The following RALGAPA1 variants were observed in gnomAD, a reference collection of about 807,000 sequenced individuals.
RALGAPA1 encodes the protein Ral GTPase activating protein catalytic subunit alpha 1.
A neutral mutation model predicts 269.6 loss-of-function variants in RALGAPA1; 52 were observed. The observed-to-expected ratio is 0.19, with a 90% CI of 0.15 to 0.24. The LOEUF (loss-of-function observed/expected upper bound fraction) is 0.24. Among genes scored for constraint, RALGAPA1 ranks in the 10% least tolerant of loss-of-function variants. The probability of loss-of-function intolerance (pLI) is 1.00; values close to 1 mark genes in which losing one functional copy is unlikely to be tolerated. For missense variants in RALGAPA1, 1,917 were observed against 3,013.9 expected (o/e 0.64, Z 8.52); for synonymous variants, 817 against 1,008.3 (o/e 0.81, Z 3.60).
intron 39 of RALGAPA1, among the ~76,000 whole-genome samples, chr14:35,549,445 TGACAACTTAACAGGGA>T (rs2054768599): frequency 6.6e-6 from 1 of 152,174 alleles, no homozygotes; most frequent in Non-Finnish European, 1.5e-5. Flanking sequence ...CCAGTATAAA[TGACAACTTAACAGGGA>T]GACATTTATT....
chr14:35,738,355 T>C (rs539093302), intron 12 of RALGAPA1, among the ~76,000 whole-genome samples, 158 bp downstream of exon 12: 7 of 152,128 alleles, frequency 4.6e-5, no homozygotes, highest in South Asian at 4.1e-4. Flanking sequence ...TTTATTAATA[T>C]ATATATTAAG....
chr14:35,711,768 C>A (rs1187938836), intron 16 of RALGAPA1, among the ~76,000 whole-genome samples: 1 of 152,114 alleles, frequency 6.6e-6, no homozygotes, highest in Non-Finnish European at 1.5e-5. Flanking sequence ...AGCCACTGTA[C>A]CCCACCCAAG....
intron 39 of RALGAPA1, among the ~76,000 whole-genome samples, chr14:35,561,506 GTTTTTTTTTTTTT>G (rs750062810): frequency 1.6e-4 from 12 of 72,922 alleles, no homozygotes; most frequent in Non-Finnish European, 2.3e-4. Context: ...TAATATAGGA[GTTTTTTTTTTTTT>G]TTTTTTTTTT....
chr14:35,670,445 T>C (rs576833516), intron 26 of RALGAPA1, among the ~76,000 whole-genome samples: 1 of 152,340 alleles, frequency 6.6e-6, no homozygotes, highest in African/African-American at 2.4e-5. Context: ...TGTCACTCCT[T>C]GCTTAAAATC....
intron 1 of RALGAPA1, among the ~76,000 whole-genome samples, chr14:35,799,709 A>G (rs1466088838): frequency 2.0e-5 from 3 of 152,202 alleles, no homozygotes; most frequent in African/African-American, 4.8e-5. Flanking sequence ...CAGGCCAAAC[A>G]GAAAACAAAT....
chr14:35,640,930 C>G (rs187008884), intron 31 of RALGAPA1, among the ~76,000 whole-genome samples: 1 of 147,830 alleles, frequency 6.8e-6, no homozygotes, highest in Admixed American at 6.6e-5. Context: ...TCAACATACA[C>G]AAATCAATCA....
chr14:35,660,968 G>C (rs1223033741), intron 27 of RALGAPA1, among the ~76,000 whole-genome samples: 1 of 152,110 alleles, frequency 6.6e-6, no homozygotes, highest in Non-Finnish European at 1.5e-5. Flanking sequence ...CTAGGGAGTG[G>C]GTGAAACAGG....
At chr14:35,569,978 T>C (rs771952022) in intron 39 of RALGAPA1, among the ~76,000 whole-genome samples, 1 of 152,152 alleles carries the variant, frequency 6.6e-6, no homozygotes, top group East Asian at 1.9e-4. Flanking sequence ...ATTAAAAGTA[T>C]ATAAAAGAGG....
chr14:35,556,582 T>C (rs148455436), intron 39 of RALGAPA1, among the ~76,000 whole-genome samples: 203 of 152,372 alleles, frequency 1.3e-3, no homozygotes, highest in African/African-American at 4.7e-3. Flanking sequence ...TCTATTTTTA[T>C]GATGCCTTAT....
At chr14:35,772,076 G>C (rs1254230623) in intron 3 of RALGAPA1, among the ~76,000 whole-genome samples, 1 of 151,962 alleles carries the variant, frequency 6.6e-6, no homozygotes, top group Non-Finnish European at 1.5e-5. Context: ...TTTTTAAGAG[G>C]TGGGGGTTTC....
intron 36 of RALGAPA1, among the ~76,000 whole-genome samples, chr14:35,604,128 A>C (rs1396951299): frequency 6.6e-6 from 1 of 152,158 alleles, no homozygotes; most frequent in Non-Finnish European, 1.5e-5. Flanking sequence ...TACAATTATT[A>C]TGTAGCAATA....
At chr14:35,751,860 T>C (rs1162028209) in intron 8 of RALGAPA1, among the ~76,000 whole-genome samples, 164 bp downstream of exon 8, 1 of 151,618 alleles carries the variant, frequency 6.6e-6, no homozygotes, top group Non-Finnish European at 1.5e-5. Context: ...AAATTTCCTA[T>C]TAATATAAAT....
At chr14:35,571,991 A>T (rs112338309) in intron 38 of RALGAPA1, among the ~76,000 whole-genome samples, 2,556 of 152,334 alleles carry the variant, frequency 0.017, 65 homozygotes, top group African/African-American at 0.056. Context: ...GGGAAGGAAC[A>T]CACCAAAAAT....
chr14:35,709,277 A>G (rs529738246), intron 16 of RALGAPA1, among the ~76,000 whole-genome samples: 1 of 152,292 alleles, frequency 6.6e-6, no homozygotes, highest in Admixed American at 6.5e-5. Context: ...TGAATACCCC[A>G]TTTACACTGA....
At chr14:35,719,305 G>T (rs2069154291) in intron 16 of RALGAPA1, among the ~76,000 whole-genome samples, 1 of 152,086 alleles carries the variant, frequency 6.6e-6, no homozygotes, top group Non-Finnish European at 1.5e-5. Context: ...TAGTTTGGGT[G>T]ACTGTCTCAG....
At chr14:35,686,243 G>A (rs192567300) in intron 19 of RALGAPA1, among the ~76,000 whole-genome samples, 19 of 151,764 alleles carry the variant, frequency 1.3e-4, no homozygotes, top group African/African-American at 3.9e-4. Context: ...GGTAACCTAC[G>A]AGCAAAGACA....
chr14:35,785,395 T>C (rs534811705), intron 1 of RALGAPA1, among the ~76,000 whole-genome samples: 37 of 152,316 alleles, frequency 2.4e-4, no homozygotes, highest in African/African-American at 6.7e-4. Flanking sequence ...TTTGAATAAA[T>C]AGATACAGTG....
chr14:35,689,393 CTG>C lies in RALGAPA1; in HGVS notation c.3016_3017del (p.Gln1006ValfsTer13). 8.1e-7 allele frequency: 1 copy of C among 1,232,168 alleles called. No homozygotes were observed. 76.3% of individuals were successfully genotyped at this position (1,232,168 alleles called of 1,614,324 possible). ...TSFVGTPENL[Q>X]FQKEPNSAVF... ...CAGCTGAGTTTGGTTCTTTCTGAAACTGTAGGTTTTCAGGAGTCCCAACAAAA... is the reference window on the plus strand; with the variant it reads ...CAGCTGAGTTTGGTTCTTTCTGAAACTAGGTTTTCAGGAGTCCCAACAAAA... On this transcript the variant is annotated frameshift_variant, in exon 18 of 42. Coordinates refer to ENST00000680220, the MANE Select transcript of RALGAPA1 (RefSeq NM_001346249.2). LOFTEE classifies it high-confidence loss of function.
intron 10 of RALGAPA1, among the ~76,000 whole-genome samples, chr14:35,743,741 T>C (rs1317466155): frequency 6.6e-6 from 1 of 152,134 alleles, no homozygotes; most frequent in African/African-American, 2.4e-5. Flanking sequence ...AAAAATCATA[T>C]GTAATAAGGT....
Sources: allele counts gnomAD v4.1 joint callset (sites outside exome capture counted in the v4.1 genomes callset), GRCh38; gene constraint gnomAD v4.1.1; transcripts MANE v1.5; gene names NCBI Gene and HGNC (gene_info 2026-07-23, HGNC 2026-07-21).